CAMK2B: variants seen among roughly 807,000 people sequenced by gnomAD.
CAMK2B encodes the protein calcium/calmodulin dependent protein kinase II beta, also known as calcium/calmodulin-dependent protein kinase type II subunit beta.
CAMK2B carries 27 observed loss-of-function variants against 93.7 expected under a neutral mutation model. The observed-to-expected ratio is 0.29, with a 90% confidence interval of 0.21 to 0.40. The LOEUF (loss-of-function observed/expected upper bound fraction) is 0.40, where lower values mean the gene tolerates loss of function less well. Among genes scored for constraint, CAMK2B ranks in the 10% least tolerant of loss-of-function variants. The pLI is 1.00. For synonymous variants in CAMK2B, 374 were observed against 358.8 expected, an observed-to-expected ratio of 1.04 and a Z score of -0.48; for missense variants, 568 against 895.8, an observed-to-expected ratio of 0.63 and a Z score of 4.67.
chr7:44,245,529 G>C (rs961751196), intron 6 of CAMK2B, among the ~76,000 whole-genome samples: 2 of 152,166 alleles, frequency 1.3e-5, no homozygotes, highest in African/African-American at 4.8e-5. Flanking sequence ...ATGGGGTCTG[G>C]TAACACAATG....
At position 44,312,870 on chromosome 7, in the gene CAMK2B, A is replaced by G. The variant is rs1158478931; in HGVS notation, c.65+12487T>C. 6.6e-6 allele frequency among the ~76,000 whole-genome samples: 1 copy of G among 152,158 alleles called. No homozygotes were observed. The highest frequency in any genetic ancestry group is 1.5e-5 in the Non-Finnish European group (1 of 68,020). ...AAGCATCAAAATCACTGCTTTTCTC[A>G]GGGTTTTTGACTGGGAGGGGTGTTC... On this transcript the variant is annotated intron_variant, in intron 1 of 23. Transcript: ENST00000395749. The surrounding 1 kb of genome is among the most constrained non-coding windows in gnomAD (Gnocchi z 4.1).
Position 44,225,652 on chromosome 7 carries a change from T to G in CAMK2B, c.1597+864A>C. The G allele has an allele frequency of 2.9e-6, 3 of 1,022,348 alleles. No individual in the cohort carries two copies. Among genetic ancestry groups the G allele is most frequent in the Non-Finnish European group, 2.7e-6 (2 of 750,658 alleles). The allele number at this position is 1,022,348 out of a possible 1,614,324, so 63.3% of individuals were successfully genotyped here. A position where few individuals can be genotyped will look rare whatever the true frequency, so the allele number is the denominator to read the frequency against. On this transcript the variant is annotated intron_variant, in intron 20 of 23. Coordinates refer to ENST00000395749, the MANE Select transcript of CAMK2B (RefSeq NM_001220.5). The surrounding 1 kb of genome is among the most constrained non-coding windows in gnomAD (Gnocchi z 5.0). ...CCCCCTCCTCGAGCCGCTGCTCCTGTGGGTTCACTCTCCCCACACCCTTCT... is the reference window on the plus strand; with the variant it reads ...CCCCCTCCTCGAGCCGCTGCTCCTGGGGGTTCACTCTCCCCACACCCTTCT...
chr7:44,220,808 C>T lies in CAMK2B; in HGVS notation c.1673+18G>A. On this transcript the variant is annotated intron_variant, in intron 21 of 23. Transcript: ENST00000395749. The stretch of plus-strand genomic sequence containing the variant: ...CATCCTTGTCCTGCACAGCCCCCCC[C>T]CAGCCCCAGGGACTCACGCGTAGGC... The T allele has an allele frequency of 6.4e-7, 1 of 1,561,650 alleles. No individual in the cohort carries two copies. The highest frequency in any genetic ancestry group is 8.7e-7 in the Non-Finnish European group (1 of 1,152,180).
intron 4 of CAMK2B, among the ~76,000 whole-genome samples, chr7:44,257,505 G>A (rs2096844314): frequency 6.6e-6 from 1 of 152,246 alleles, no homozygotes; most frequent in Non-Finnish European, 1.5e-5. Flanking sequence ...CAAGGGCCCT[G>A]GATCGGACCA....
rs1015026866 is a variant in CAMK2B at position 44,224,940 on chromosome 7, T to C, written c.1597+1576A>G. Among the ~76,000 whole-genome samples the C allele has an allele frequency of 1.1e-3, 171 of 151,902 alleles. No homozygotes were observed. Among genetic ancestry groups the C allele is most frequent in the African/African-American group, 3.8e-3 (157 of 41,402 alleles). On this transcript the variant is annotated intron_variant, in intron 20 of 23. Coordinates refer to ENST00000395749, the MANE Select transcript of CAMK2B (RefSeq NM_001220.5). This position sits in a 1 kb window ranked among gnomAD's most constrained non-coding sequence, Gnocchi z 4.4. ...TCCTTTCCCTGAGTTCCGGAACATC[T>C]CACCCACCCCTTTCCCAGCCCTGCC...
intron 6 of CAMK2B, among the ~76,000 whole-genome samples, chr7:44,244,177 C>G (rs1011414526): frequency 1.3e-5 from 2 of 152,190 alleles, no homozygotes; most frequent in Non-Finnish European, 2.9e-5. Context: ...AGGAAGGAGG[C>G]CCCTGCAATG....
intron 1 of CAMK2B, among the ~76,000 whole-genome samples, chr7:44,298,018 G>A (rs1221352238): frequency 6.6e-6 from 1 of 152,174 alleles, no homozygotes; most frequent in Admixed American, 6.5e-5. Flanking sequence ...CAGCTACTCA[G>A]GAGGCTGAGG....
At position 44,218,824 on chromosome 7, in the gene CAMK2B, G is replaced by A. The variant is rs1237957384; in HGVS notation, c.*701C>T. On this transcript the variant is annotated 3_prime_UTR_variant, in exon 24 of 24. Transcript: ENST00000395749. ...GACTCCAGTTTCAATACTCCAGGGG[G>A]TGAGGGGCCGGCCTGGGCTCTGCCG... The A allele has an allele frequency of 6.6e-6, 1 of 152,380 alleles. No homozygotes were observed. 9.4% of individuals were successfully genotyped at this position (152,380 alleles called of 1,614,324 possible).
At position 44,262,991 on chromosome 7, in the gene CAMK2B, C is replaced by G. The variant is rs1230159626; in HGVS notation, c.220+14G>C. The G allele has an allele frequency of 1.9e-6, 3 of 1,611,880 alleles. No individual in the cohort carries two copies. In the South Asian group the frequency reaches 3.3e-5, roughly 18 times the overall value. ...GTGGGGACCCATCCCCGCTCCCTAC[C>G]CCAGGCTGCTCACCGATGTTGGAAT... On this transcript the variant is annotated intron_variant, in intron 3 of 23. Coordinates refer to ENST00000395749, the MANE Select transcript of CAMK2B (RefSeq NM_001220.5).
At position 44,231,111 on chromosome 7, in the gene CAMK2B, G is replaced by A. The variant is rs932844853; in HGVS notation, c.1177-57C>T. The A allele has an allele frequency of 2.8e-6, 4 of 1,432,016 alleles. No individual in the cohort carries two copies. In the African/African-American group the frequency reaches 5.7e-5, roughly 20 times the overall value. The allele number at this position is 1,432,016 out of a possible 1,614,324, so 88.7% of individuals were successfully genotyped here. On this transcript the variant is annotated intron_variant, in intron 16 of 23. Coordinates refer to ENST00000395749, the MANE Select transcript of CAMK2B (RefSeq NM_001220.5). ...TGCGGCCAAGGATAGGTGGGACGTG[G>A]CTGAGGGCAGGTGGACAGGGCTGGG...
chr7:44,239,673 C>G lies in CAMK2B; in HGVS notation c.947-10G>C. On this transcript the variant is annotated splice_polypyrimidine_tract_variant and intron_variant, in intron 12 of 23. Coordinates refer to ENST00000395749, the MANE Select transcript of CAMK2B (RefSeq NM_001220.5). ...GTGGTCTGTCTGCCCACTGTTAGCA[C>G]CGGGTTAGAGACGAGGGGAAGGGAG... 6.5e-7 allele frequency: 1 copy of G among 1,548,952 alleles called. No individual in the cohort carries two copies. Among genetic ancestry groups the G allele is most frequent in the Non-Finnish European group, 8.7e-7 (1 of 1,145,936 alleles).
At chr7:44,309,347 G>A (rs1792839773) in intron 1 of CAMK2B, among the ~76,000 whole-genome samples, 1 of 152,168 alleles carries the variant, frequency 6.6e-6, no homozygotes, top group African/African-American at 2.4e-5. Context: ...CAGACGGAGG[G>A]TTTAAGGCCA....
At chr7:44,258,314 C>T (rs1248652416) in intron 4 of CAMK2B, among the ~76,000 whole-genome samples, 1 of 152,234 alleles carries the variant, frequency 6.6e-6, no homozygotes, top group Admixed American at 6.5e-5. Context: ...CACACCTCCA[C>T]ACGCTCACTC....
intron 1 of CAMK2B, among the ~76,000 whole-genome samples, chr7:44,314,512 T>C (rs2116328260): frequency 6.6e-6 from 1 of 152,380 alleles, no homozygotes; most frequent in South Asian, 2.1e-4. Context: ...CTATAACACA[T>C]TTTTCTCACG....
chr7:44,268,948 A>G (rs2129052294), intron 2 of CAMK2B: 1 of 152,454 alleles, frequency 6.6e-6, no homozygotes, highest in East Asian at 1.9e-4. Flanking sequence ...CGGAAAGACC[A>G]GGAGTGGTGG....
intron 3 of CAMK2B, among the ~76,000 whole-genome samples, chr7:44,262,484 G>A (rs1339672915): frequency 2.6e-5 from 4 of 152,216 alleles, no homozygotes; most frequent in African/African-American, 4.8e-5. Flanking sequence ...CTCTCAGCCC[G>A]AGAACAGCAT....
chr7:44,314,061 C>T lies in CAMK2B; in HGVS notation c.65+11296G>A, dbSNP rs541822204. Among the ~76,000 whole-genome samples, 7 of 152,180 alleles carry T rather than the reference C, an allele frequency of 4.6e-5. No homozygotes were observed. The South Asian group carries it at 6.2e-4, about 14-fold the overall frequency. ...GCTCACTTCTCAGCAATGTGAACGT[C>T]GAGATCCAGATGTGAGAGCTTTTAT... On this transcript the variant is annotated intron_variant, in intron 1 of 23. Transcript: ENST00000395749.
chr7:44,238,795 T>C (rs2096649055), intron 13 of CAMK2B, among the ~76,000 whole-genome samples: 2 of 152,152 alleles, frequency 1.3e-5, no homozygotes, highest in Admixed American at 6.5e-5. Context: ...CGTTGTCAGC[T>C]TGGCCTGCCC....
At chr7:44,295,926 A>C (rs1187752593) in intron 1 of CAMK2B, among the ~76,000 whole-genome samples, 2 of 152,194 alleles carry the variant, frequency 1.3e-5, no homozygotes, top group African/African-American at 4.8e-5. Context: ...GGGCAGGCAC[A>C]GGCTCGCTAA....
Sources: gnomAD v4.1 joint callset for allele counts (sites outside exome capture counted in the v4.1 genomes callset) on GRCh38, gnomAD v4.1.1 for gene constraint, Gnocchi (gnomAD v3.1) non-coding constraint, MANE v1.5 for transcripts, NCBI Gene and HGNC (gene_info 2026-07-23, HGNC 2026-07-21) for gene names.